Variants in ROR1 observed in about 807,000 individuals in gnomAD.
ROR1 encodes inactive tyrosine-protein kinase transmembrane receptor ROR1.
ROR1 carries 19 observed loss-of-function variants against 78.8 expected under a neutral mutation model. That is an observed-to-expected ratio of 0.24 (90% CI 0.17 to 0.35). The LOEUF is 0.35. Among genes scored for constraint, ROR1 ranks in the 10% least tolerant of loss-of-function variants. The pLI is 1.00. For missense variants in ROR1, 917 were observed against 1,177.8 expected (o/e 0.78, Z 3.24); for synonymous variants, 386 against 433.6 (o/e 0.89, Z 1.36).
At chr1:63,848,512 T>C (rs1050268184) in intron 1 of ROR1, among the ~76,000 whole-genome samples, 1 of 152,182 alleles carries the variant, frequency 6.6e-6, no homozygotes, top group South Asian at 2.1e-4. Flanking sequence ...TAAAGTAAAT[T>C]AATATTTTAA....
At chr1:64,117,178 G>A (rs1254105509) in intron 4 of ROR1, among the ~76,000 whole-genome samples, 1 of 152,128 alleles carries the variant, frequency 6.6e-6, no homozygotes, top group African/African-American at 2.4e-5. Context: ...AGGAAACTTA[G>A]TAAAGAGGAA....
At chr1:64,118,937 A>T (rs529083982) in intron 4 of ROR1, among the ~76,000 whole-genome samples, 23 of 152,312 alleles carry the variant, frequency 1.5e-4, no homozygotes, top group African/African-American at 5.1e-4. Context: ...TGGACCATAA[A>T]TGTTGTCATG....
At chr1:64,028,417 TGCTAAATAG>T (rs1468051196) in intron 2 of ROR1, among the ~76,000 whole-genome samples, 1 of 152,202 alleles carries the variant, frequency 6.6e-6, no homozygotes, top group Admixed American at 6.5e-5. Context: ...CATGGGCGTT[TGCTAAATAG>T]GAAGCAGATC....
intron 1 of ROR1, among the ~76,000 whole-genome samples, chr1:63,932,014 A>G (rs555654851): frequency 3.3e-5 from 5 of 152,278 alleles, no homozygotes; most frequent in South Asian, 2.1e-4. Flanking sequence ...GGAAACTGCT[A>G]TACTCATATT....
chr1:64,135,381 C>G (rs1649068795), intron 4 of ROR1, among the ~76,000 whole-genome samples: 2 of 152,066 alleles, frequency 1.3e-5, no homozygotes, highest in Non-Finnish European at 2.9e-5. Flanking sequence ...GGGTTTTGTC[C>G]TCCCAAGAGA....
intron 4 of ROR1, among the ~76,000 whole-genome samples, chr1:64,131,382 A>G (rs1424454757): frequency 6.6e-6 from 1 of 152,108 alleles, no homozygotes; most frequent in Non-Finnish European, 1.5e-5. Context: ...GAATCAGAAC[A>G]AAAGAACCTG....
intron 1 of ROR1, among the ~76,000 whole-genome samples, chr1:63,970,656 G>C (rs1453958294): frequency 6.6e-6 from 1 of 152,182 alleles, no homozygotes; most frequent in East Asian, 1.9e-4. Context: ...TGATTAGAAA[G>C]GAGAAAAATG....
intron 2 of ROR1, among the ~76,000 whole-genome samples, chr1:64,038,135 A>G (rs834478): frequency 0.65 from 98,678 of 152,086 alleles, 35,937 homozygotes; most frequent in East Asian, 0.88. Context: ...CCGCACAAGT[A>G]TTTAATAAGT....
chr1:64,044,272 C>T (rs1255974296), intron 2 of ROR1, among the ~76,000 whole-genome samples: 3 of 152,130 alleles, frequency 2.0e-5, no homozygotes, highest in Admixed American at 6.6e-5. Context: ...ATGGAAACAG[C>T]GCTGGGCTTG....
intron 2 of ROR1, among the ~76,000 whole-genome samples, chr1:64,024,687 T>C (rs1174889186): frequency 6.6e-6 from 1 of 152,138 alleles, no homozygotes; most frequent in Non-Finnish European, 1.5e-5. Flanking sequence ...CACAGTGTTC[T>C]CTTAAATCTC....
chr1:64,072,888 C>T (rs1647019375), intron 4 of ROR1, among the ~76,000 whole-genome samples: 1 of 152,140 alleles, frequency 6.6e-6, no homozygotes, highest in South Asian at 2.1e-4. Flanking sequence ...CAGCTTGTAG[C>T]AGAGACCTTA....
chr1:63,835,607 G>A (rs1645014964), intron 1 of ROR1, among the ~76,000 whole-genome samples: 2 of 152,120 alleles, frequency 1.3e-5, no homozygotes. Flanking sequence ...TTTATTCATC[G>A]GTCATCAGTC....
At chr1:64,085,876 A>T (rs566976752) in intron 4 of ROR1, among the ~76,000 whole-genome samples, 1 of 152,284 alleles carries the variant, frequency 6.6e-6, no homozygotes, top group Admixed American at 6.5e-5. Flanking sequence ...GTGTTGTAAA[A>T]GGGGTTAATT....
intron 1 of ROR1, among the ~76,000 whole-genome samples, chr1:63,845,230 C>G (rs1315798843): frequency 1.3e-5 from 2 of 152,142 alleles, no homozygotes; most frequent in South Asian, 4.1e-4. Context: ...AATTAGAGCA[C>G]AGCCTGAATT....
intron 1 of ROR1, among the ~76,000 whole-genome samples, chr1:63,811,135 G>T (rs541294811): frequency 2.6e-5 from 4 of 152,318 alleles, no homozygotes; most frequent in Non-Finnish European, 4.4e-5. Context: ...GGTGAATGTG[G>T]AATAAGGAGA....
intron 1 of ROR1, among the ~76,000 whole-genome samples, chr1:63,954,688 A>G (rs1334532395): frequency 6.6e-6 from 1 of 152,258 alleles, no homozygotes; most frequent in African/African-American, 2.4e-5. Context: ...ACAATACAGT[A>G]TAACAGCTAT....
intron 4 of ROR1, among the ~76,000 whole-genome samples, chr1:64,131,341 T>G (rs1308896058): frequency 6.6e-6 from 1 of 152,148 alleles, no homozygotes; most frequent in African/African-American, 2.4e-5. Flanking sequence ...GCCAAGTCAC[T>G]GTCCCCGGCA....
At chr1:63,972,184 A>G (rs1015684880) in intron 1 of ROR1, among the ~76,000 whole-genome samples, 1 of 152,208 alleles carries the variant, frequency 6.6e-6, no homozygotes, top group South Asian at 2.1e-4. Context: ...GGAATTTGCC[A>G]TCTAACCTGG....
At chr1:64,051,680 T>A (rs754942218) in intron 4 of ROR1, among the ~76,000 whole-genome samples, 46 of 152,308 alleles carry the variant, frequency 3.0e-4, no homozygotes, top group African/African-American at 1.0e-3. Flanking sequence ...CATCTTTCAC[T>A]TTAAGAGTAT....
Sources: gnomAD v4.1 joint callset for allele counts (sites outside exome capture counted in the v4.1 genomes callset) on GRCh38, gnomAD v4.1.1 for gene constraint, MANE v1.5 for transcripts, NCBI Gene and HGNC (gene_info 2026-07-23, HGNC 2026-07-21) for gene names.